Variants in PM20D2 observed in about 807,000 individuals in gnomAD.
PM20D2 encodes the protein peptidase M20 domain containing 2.
PM20D2 carries 33 observed loss-of-function variants against 42.9 expected under a neutral mutation model. The observed-to-expected ratio is 0.77, with a 90% confidence interval of 0.58 to 1.03. The LOEUF is 1.03. Ranked by LOEUF, PM20D2 falls within the 50% of genes least tolerant of loss-of-function variation. The pLI, the probability that PM20D2 is intolerant of heterozygous loss-of-function variation, is 0.00. For missense variants in PM20D2, 548 were observed against 557.0 expected (o/e 0.98, Z 0.16); for synonymous variants, 250 against 228.2 (o/e 1.10, Z -0.86).
At chr6:89,159,978 G>A (rs933520713) in intron 5 of PM20D2, among the ~76,000 whole-genome samples, 4 of 151,788 alleles carry the variant, frequency 2.6e-5, no homozygotes, top group African/African-American at 9.7e-5. Flanking sequence ...AGGATAAAGT[G>A]GCTGTGATTT....
chr6:89,105,419 A>C, the PM20D2 span: 2 of 1,592,338 alleles, frequency 1.3e-6, no homozygotes, highest in Non-Finnish European at 8.5e-7. Flanking sequence ...GCATTCAGTC[A>C]CACTTACTTT....
At chr6:89,105,653 C>T in the PM20D2 span, 1 of 642,110 alleles carries the variant, frequency 1.6e-6, no homozygotes, top group Middle Eastern at 2.8e-4. Flanking sequence ...CTCACATCTT[C>T]AATATAATAT....
chr6:89,130,330 C>T, the PM20D2 span, among the ~76,000 whole-genome samples: 6 of 152,106 alleles, frequency 3.9e-5, no homozygotes, highest in East Asian at 1.9e-4. Context: ...AACTCCTGTG[C>T]TCAAGAGATC....
chr6:89,120,094 G>A, the PM20D2 span, among the ~76,000 whole-genome samples: 25 of 152,208 alleles, frequency 1.6e-4, no homozygotes, highest in African/African-American at 6.0e-4. Flanking sequence ...GATCTCGTGA[G>A]ACTTATTCAC....
the PM20D2 span, among the ~76,000 whole-genome samples, chr6:89,138,888 CAAAT>C: frequency 5.0e-4 from 76 of 151,964 alleles, no homozygotes; most frequent in East Asian, 2.5e-3. Context: ...AATAAATAAA[CAAAT>C]AAATAAATAT....
the PM20D2 span, among the ~76,000 whole-genome samples, chr6:89,130,259 A>T: frequency 6.6e-6 from 1 of 151,582 alleles, no homozygotes. Flanking sequence ...ATTTTATGTT[A>T]TATTTTATTT....
the PM20D2 span, among the ~76,000 whole-genome samples, chr6:89,130,967 T>A: frequency 6.6e-6 from 1 of 150,794 alleles, no homozygotes; most frequent in African/African-American, 2.4e-5. Context: ...CCTCTCAGAG[T>A]GGTGGGATGA....
At chr6:89,111,620 GT>G in the PM20D2 span, among the ~76,000 whole-genome samples, 84 of 152,026 alleles carry the variant, frequency 5.5e-4, no homozygotes, top group African/African-American at 2.0e-3. Context: ...TCCAATTTTT[GT>G]ATTTTATATC....
chr6:89,158,200 T>G (rs1197970259), intron 4 of PM20D2, 125 bp from the exon 5 acceptor site: 1 of 823,960 alleles, frequency 1.2e-6, no homozygotes, highest in Non-Finnish European at 1.9e-6. Flanking sequence ...TGAGAGTGTT[T>G]ATATCTGGAA....
intron 1 of PM20D2, among the ~76,000 whole-genome samples, chr6:89,146,913 T>G (rs971908669): frequency 6.6e-6 from 1 of 152,250 alleles, no homozygotes; most frequent in African/African-American, 2.4e-5. Flanking sequence ...GCCTGGTGTT[T>G]GTTACGGGTT....
chr6:89,156,304 A>C lies in PM20D2; in HGVS notation c.912+1402A>C, dbSNP rs893668981. 2.0e-5 allele frequency among the ~76,000 whole-genome samples: 3 copies of C among 152,204 alleles called. No individual in the cohort carries two copies. In the South Asian group the frequency reaches 6.2e-4, roughly 31 times the overall value. On this transcript the variant is annotated intron_variant, in intron 4 of 6. Transcript: ENST00000275072. ...TAGAGGGAGCCTGTAGTCTAGTTGG[A>C]GAGACAAGATCTTGACCCATAACTC...
In PM20D2 at chr6:89,153,198, A is replaced by G. The variant is rs775517677; in HGVS notation, c.757+13A>G. On this transcript the variant is annotated intron_variant, in intron 3 of 6. Coordinates refer to ENST00000275072, the MANE Select transcript of PM20D2 (RefSeq NM_001010853.3). ...TGGAGAGTTCATGGTATGAATGTCAAATACCTTCTATAATAGATGGTGCTT... is the reference window on the plus strand; with the variant it reads ...TGGAGAGTTCATGGTATGAATGTCAGATACCTTCTATAATAGATGGTGCTT... The G allele has an allele frequency of 3.1e-5, 49 of 1,569,936 alleles. No individual in the cohort carries two copies. In the South Asian group the frequency reaches 5.6e-4, roughly 18 times the overall value.
intron 5 of PM20D2, among the ~76,000 whole-genome samples, chr6:89,161,488 A>T (rs1461159734): frequency 6.6e-6 from 1 of 152,200 alleles, no homozygotes; most frequent in Non-Finnish European, 1.5e-5. Context: ...GCTGTGTCAC[A>T]GAAGAGAAGA....
intron 3 of PM20D2, 64 bp downstream of exon 3, chr6:89,153,249 T>C (rs981318379): frequency 3.2e-6 from 4 of 1,237,896 alleles, no homozygotes. Context: ...AGTATAATTA[T>C]TTAATATTCA....
the PM20D2 span, among the ~76,000 whole-genome samples, chr6:89,125,640 G>A: frequency 6.6e-6 from 1 of 151,960 alleles, no homozygotes; most frequent in Non-Finnish European, 1.5e-5. Flanking sequence ...AAAATTAGCC[G>A]GGCGTGGTGG....
At chr6:89,107,238 T>C in the PM20D2 span, 1 of 1,613,976 alleles carries the variant, frequency 6.2e-7, no homozygotes, top group Non-Finnish European at 8.5e-7. Flanking sequence ...TCGACCAAAC[T>C]CACGGCGCAA....
Position 89,163,083 on chromosome 6 carries a change from A to G in PM20D2, c.*820A>G, listed in dbSNP as rs1386392342. The G allele has an allele frequency of 1.3e-5, 2 of 152,202 alleles. No individual in the cohort carries two copies. Among genetic ancestry groups the G allele is most frequent in the African/African-American group, 4.8e-5 (2 of 41,446 alleles). The allele number at this position is 152,202 out of a possible 1,614,324, so 9.4% of individuals were successfully genotyped here. A position where few individuals can be genotyped will look rare whatever the true frequency, so the allele number is the denominator to read the frequency against. ...CACCCGGCCTGCCAGTGTCTTTTTA[A>G]TACACATGTGTGTTGGTATTTTTAA... is the stretch of plus-strand genomic sequence containing the variant. On this transcript the variant is annotated 3_prime_UTR_variant, in exon 7 of 7. Coordinates refer to ENST00000275072, the MANE Select transcript of PM20D2 (RefSeq NM_001010853.3).
At chr6:89,161,392 A>G (rs1356373105) in intron 5 of PM20D2, among the ~76,000 whole-genome samples, 1 of 152,218 alleles carries the variant, frequency 6.6e-6, no homozygotes, top group East Asian at 1.9e-4. Flanking sequence ...CGTAACTATT[A>G]TTTCATCGTC....
At chr6:89,113,537 G>C in the PM20D2 span, among the ~76,000 whole-genome samples, 2 of 151,988 alleles carry the variant, frequency 1.3e-5, no homozygotes, top group Non-Finnish European at 2.9e-5. Flanking sequence ...TCGAACTCCT[G>C]ACCTCAAGTG....
Sources: allele counts gnomAD v4.1 joint callset (sites outside exome capture counted in the v4.1 genomes callset), GRCh38; gene constraint gnomAD v4.1.1; transcripts MANE v1.5; gene names NCBI Gene and HGNC (gene_info 2026-07-23, HGNC 2026-07-21).